PUM1: variants seen among roughly 807,000 people sequenced by gnomAD.
PUM1 encodes pumilio homolog 1.
PUM1 carries 13 observed loss-of-function variants against 131.8 expected under a neutral mutation model. The observed-to-expected ratio is 0.10, with a 90% CI of 0.06 to 0.16. The LOEUF is 0.16. PUM1 is among the 10% of genes least tolerant of loss of function. The pLI is 1.00. For missense variants in PUM1, 961 were observed against 1,512.4 expected, an observed-to-expected ratio of 0.64 and a Z score of 6.05; for synonymous variants, 509 against 556.5, an observed-to-expected ratio of 0.91 and a Z score of 1.20.
At chr1:30,955,845 A>T (rs1379665726) in intron 14 of PUM1, among the ~76,000 whole-genome samples, 2 of 152,156 alleles carry the variant, frequency 1.3e-5, no homozygotes, top group Admixed American at 1.3e-4. Flanking sequence ...AAAGAAAATG[A>T]CTCAATGCAG....
chr1:30,990,725 C>T (rs1641754867), intron 7 of PUM1, among the ~76,000 whole-genome samples: 1 of 152,120 alleles, frequency 6.6e-6, no homozygotes, highest in Admixed American at 6.5e-5. Flanking sequence ...TGAGATAAAA[C>T]AACACTCACA....
Position 31,065,699 on chromosome 1 carries a change from G to A in PUM1, c.-95C>T. The A allele has an allele frequency of 1.3e-6, 2 of 1,549,148 alleles. No individual in the cohort carries two copies. Among genetic ancestry groups the A allele is most frequent in the South Asian group, 1.2e-5 (1 of 84,020 alleles). On this transcript the variant is annotated 5_prime_UTR_variant, in exon 1 of 22. Coordinates refer to ENST00000426105, the MANE Select transcript of PUM1 (RefSeq NM_001020658.2). ...CTCGCTCCCCCTTACCTTTCACTCC[G>A]ACAACATGGCGGCCCACTGGGGACT...
At chr1:30,946,047 A>G (rs1194079688) in intron 17 of PUM1, among the ~76,000 whole-genome samples, 1 of 152,056 alleles carries the variant, frequency 6.6e-6, no homozygotes, top group Non-Finnish European at 1.5e-5. Flanking sequence ...GGCCTCCCCA[A>G]GTGCTGGAAT....
At chr1:31,038,976 ATATATATATT>A (rs1557599210) in intron 2 of PUM1, among the ~76,000 whole-genome samples, 11 of 30,888 alleles carry the variant, frequency 3.6e-4, no homozygotes, top group Admixed American at 7.1e-4. Flanking sequence ...ATATATATAT[ATATATATATT>A]TTTTTTTTTT....
chr1:31,014,509 A>T (rs1041285934), intron 3 of PUM1, among the ~76,000 whole-genome samples: 12 of 151,460 alleles, frequency 7.9e-5, no homozygotes, highest in Admixed American at 2.0e-4. Context: ...AAAAAGAATT[A>T]AAAAAGTTGA....
intron 3 of PUM1, among the ~76,000 whole-genome samples, chr1:31,015,676 CT>C (rs568144593): frequency 1.3e-3 from 156 of 119,204 alleles, no homozygotes; most frequent in Middle Eastern, 5.8e-3. Context: ...CTTTTTTTTT[CT>C]TTTTTTTTTT....
In PUM1 at chr1:30,933,485, C is replaced by G. The variant is rs1274852943; in HGVS notation, c.3436-143G>C. The G allele has an allele frequency of 6.2e-6, 5 of 812,890 alleles. No individual in the cohort carries two copies. The Admixed American group carries it at 7.6e-5, about 12-fold the overall frequency. The allele number at this position is 812,890 out of a possible 1,614,324, so 50.4% of individuals were successfully genotyped here. On this transcript the variant is annotated intron_variant, in intron 21 of 21. Coordinates refer to ENST00000426105, the MANE Select transcript of PUM1 (RefSeq NM_001020658.2). Reference sequence around the variant, plus strand: ...ACACACACACACACACACACACACACCCCTACAGCAATACCTTTCACTGGC... The same window carrying G: ...ACACACACACACACACACACACACAGCCCTACAGCAATACCTTTCACTGGC...
At chr1:30,974,859 C>T (rs1641071648) in intron 9 of PUM1, 57 bp from the exon 10 acceptor site, 1 of 1,446,682 alleles carries the variant, frequency 6.9e-7, no homozygotes, top group Non-Finnish European at 9.4e-7. Flanking sequence ...TCATCTCAGC[C>T]TTTCCAAAAT....
chr1:31,008,986 A>C (rs1231111620), intron 3 of PUM1, among the ~76,000 whole-genome samples: 1 of 150,326 alleles, frequency 6.7e-6, no homozygotes, highest in Non-Finnish European at 1.5e-5. Context: ...ATCCTGGCTA[A>C]CACAGCGAAA....
chr1:31,038,972 A>T (rs1643711198), intron 2 of PUM1, among the ~76,000 whole-genome samples: 1 of 30,100 alleles, frequency 3.3e-5, no homozygotes, highest in African/African-American at 2.8e-4. Flanking sequence ...ATATATATAT[A>T]TATATATATA....
At chr1:30,991,785 G>A (rs1641803653) in intron 7 of PUM1, among the ~76,000 whole-genome samples, 1 of 151,996 alleles carries the variant, frequency 6.6e-6, no homozygotes, top group African/African-American at 2.4e-5. Context: ...AAAAACAGAA[G>A]GTAGACATAC....
At chr1:30,953,386 C>A (rs981387408) in intron 15 of PUM1, among the ~76,000 whole-genome samples, 3 of 152,206 alleles carry the variant, frequency 2.0e-5, no homozygotes, top group African/African-American at 2.4e-5. Context: ...CTCGTCTCTA[C>A]ATAGACTGTC....
At chr1:30,939,822 C>T (rs1639368980) in intron 20 of PUM1, among the ~76,000 whole-genome samples, 1 of 152,080 alleles carries the variant, frequency 6.6e-6, no homozygotes, top group Non-Finnish European at 1.5e-5. Flanking sequence ...TGCACCACTG[C>T]ACTCCAGCCA....
At chr1:31,033,297 C>A (rs1401629712) in intron 2 of PUM1, among the ~76,000 whole-genome samples, 1 of 151,350 alleles carries the variant, frequency 6.6e-6, no homozygotes. Flanking sequence ...CTCCACCTTC[C>A]AGGCTCAAGT....
chr1:31,033,238 G>T (rs1643493801), intron 2 of PUM1, among the ~76,000 whole-genome samples: 1 of 151,408 alleles, frequency 6.6e-6, no homozygotes, highest in Non-Finnish European at 1.5e-5. Context: ...ATGGAGTCTG[G>T]CTGTTGCCCA....
At chr1:30,937,063 T>C (rs903228013) in intron 20 of PUM1, among the ~76,000 whole-genome samples, 1 of 152,078 alleles carries the variant, frequency 6.6e-6, no homozygotes, top group African/African-American at 2.4e-5. Context: ...TTAAATCAGA[T>C]TTTTTCTCCA....
intron 2 of PUM1, among the ~76,000 whole-genome samples, chr1:31,038,979 TATA>T (rs1444967032): frequency 5.0e-5 from 2 of 40,392 alleles, no homozygotes; most frequent in African/African-American, 2.5e-4. Flanking sequence ...TATATATATA[TATA>T]TATTTTTTTT....
Position 30,932,273 on chromosome 1 carries a change from G to A in PUM1, c.*938C>T, listed in dbSNP as rs916066137. On this transcript the variant is annotated 3_prime_UTR_variant, in exon 22 of 22. Coordinates refer to ENST00000426105, the MANE Select transcript of PUM1 (RefSeq NM_001020658.2). The stretch of plus-strand genomic sequence containing the variant: ...CAATTGTACAATCAAAAGTATGTTC[G>A]ACTACTAGGGTACATTATAGATACA... The A allele has an allele frequency of 7.9e-5, 12 of 152,418 alleles. No homozygotes were observed. The highest frequency in any genetic ancestry group is 1.6e-4 in the Non-Finnish European group (11 of 68,020). The allele number at this position is 152,418 out of a possible 1,614,324, so 9.4% of individuals were successfully genotyped here. A position where few individuals can be genotyped will look rare whatever the true frequency, so the allele number is the denominator to read the frequency against.
chr1:30,982,451 AG>A (rs1641391301), intron 7 of PUM1, among the ~76,000 whole-genome samples: 1 of 152,208 alleles, frequency 6.6e-6, no homozygotes, highest in South Asian at 2.1e-4. Context: ...CCTCCTTCCA[AG>A]GAGTCATACT....
Sources: gnomAD v4.1 joint callset for allele counts (sites outside exome capture counted in the v4.1 genomes callset) on GRCh38, gnomAD v4.1.1 for gene constraint, MANE v1.5 for transcripts, NCBI Gene and HGNC (gene_info 2026-07-23, HGNC 2026-07-21) for gene names.